PCDH9: variants seen among roughly 807,000 people sequenced by gnomAD.
The protein encoded by PCDH9 is protocadherin-9.
PCDH9 carries 24 observed loss-of-function variants against 70.6 expected under a neutral mutation model. That is an observed-to-expected ratio of 0.34 (90% confidence interval 0.25 to 0.48). The LOEUF is 0.48. Ranked by LOEUF, PCDH9 falls within the 20% of genes least tolerant of loss-of-function variation. PCDH9 has a pLI of 0.99. For missense variants in PCDH9, 1,281 were observed against 1,503.6 expected (o/e 0.85, Z 2.45); for synonymous variants, 562 against 558.5 (o/e 1.01, Z -0.09).
chr13:67,163,540 C>T (rs1172276411), intron 2 of PCDH9, among the ~76,000 whole-genome samples: 1 of 152,130 alleles, frequency 6.6e-6, no homozygotes, highest in Non-Finnish European at 1.5e-5. Flanking sequence ...TCTGTAATGT[C>T]AAATCATTTT....
At chr13:66,822,494 ATTT>A (rs57689980) in intron 3 of PCDH9, among the ~76,000 whole-genome samples, 9 of 118,142 alleles carry the variant, frequency 7.6e-5, no homozygotes, top group Admixed American at 9.8e-5. Flanking sequence ...ATGTCCTGGA[ATTT>A]TTTTTTTTTT....
chr13:66,311,579 A>T (rs1016299766), intron 4 of PCDH9, among the ~76,000 whole-genome samples: 17 of 152,232 alleles, frequency 1.1e-4, no homozygotes, highest in South Asian at 2.1e-4. Flanking sequence ...AGTTGCTATT[A>T]AAAATAAAAT....
intron 4 of PCDH9, among the ~76,000 whole-genome samples, chr13:66,415,423 C>A (rs748086858): frequency 1.3e-5 from 2 of 152,174 alleles, no homozygotes; most frequent in African/African-American, 2.4e-5. Context: ...GTGTCTATAT[C>A]ATCATAAATG....
chr13:66,528,321 C>T (rs1174648166), intron 4 of PCDH9, among the ~76,000 whole-genome samples: 2 of 152,112 alleles, frequency 1.3e-5, no homozygotes. Context: ...GGCATTCCTC[C>T]TCGGCAATAC....
intron 2 of PCDH9, among the ~76,000 whole-genome samples, chr13:67,165,777 A>G (rs373158708): frequency 6.6e-5 from 10 of 152,340 alleles, no homozygotes; most frequent in African/African-American, 2.4e-4. Flanking sequence ...TTTTAAAAAT[A>G]CAAGTTTATT....
chr13:66,332,912 A>G (rs1032194643), intron 4 of PCDH9, among the ~76,000 whole-genome samples: 1 of 151,948 alleles, frequency 6.6e-6, no homozygotes, highest in African/African-American at 2.4e-5. Context: ...GTGTTTATGA[A>G]TGTTCATTGA....
chr13:66,600,407 T>A (rs2077151544), intron 4 of PCDH9, among the ~76,000 whole-genome samples: 1 of 151,936 alleles, frequency 6.6e-6, no homozygotes, highest in Non-Finnish European at 1.5e-5. Flanking sequence ...CAAAAAATGC[T>A]ATTTTACTCT....
chr13:66,832,549 A>T (rs2080946518), intron 3 of PCDH9, among the ~76,000 whole-genome samples: 1 of 152,138 alleles, frequency 6.6e-6, no homozygotes, highest in South Asian at 2.1e-4. Context: ...ACATGCACAG[A>T]TATGCATGAA....
At chr13:66,387,180 CTG>C (rs899317442) in intron 4 of PCDH9, among the ~76,000 whole-genome samples, 3 of 152,186 alleles carry the variant, frequency 2.0e-5, no homozygotes, top group African/African-American at 7.2e-5. Context: ...CCTCTCCTGA[CTG>C]TGAGCCATTA....
At chr13:67,154,123 T>C (rs1298397320) in intron 2 of PCDH9, among the ~76,000 whole-genome samples, 1 of 152,142 alleles carries the variant, frequency 6.6e-6, no homozygotes, top group East Asian at 1.9e-4. Flanking sequence ...AGTACATGTA[T>C]ATAAGATAAT....
chr13:66,741,983 A>G (rs1317991457), intron 3 of PCDH9, among the ~76,000 whole-genome samples: 2 of 148,368 alleles, frequency 1.3e-5, no homozygotes, highest in Non-Finnish European at 3.0e-5. Flanking sequence ...ACAGAATTGG[A>G]AAAAACTACT....
intron 4 of PCDH9, among the ~76,000 whole-genome samples, chr13:66,318,631 A>G (rs1955697526): frequency 6.6e-6 from 1 of 152,224 alleles, no homozygotes; most frequent in East Asian, 1.9e-4. Flanking sequence ...AGGGAACAAA[A>G]TGGAGGCAGA....
rs185272013 is a variant in PCDH9 at position 66,331,571 on chromosome 13, G to A, written c.3341-26543C>T. On this transcript the variant is annotated intron_variant, in intron 4 of 4. Transcript: ENST00000377865. The stretch of plus-strand genomic sequence containing the variant: ...TAAGTAATATAAAATGGCCCAAAAT[G>A]TTTTATGACTTAATGAGAAAAATTA... 1.9e-3 allele frequency among the ~76,000 whole-genome samples: 282 copies of A among 152,258 alleles called. 2 individuals are homozygous for A. The highest frequency in any genetic ancestry group is 6.5e-3 in the African/African-American group (270 of 41,554).
At chr13:66,611,919 G>T (rs186051656) in intron 4 of PCDH9, among the ~76,000 whole-genome samples, 46 of 152,246 alleles carry the variant, frequency 3.0e-4, no homozygotes, top group African/African-American at 1.1e-3. Flanking sequence ...TATGTAGCTG[G>T]CAAATAGAAG....
At chr13:66,434,874 C>G (rs1318460770) in intron 4 of PCDH9, among the ~76,000 whole-genome samples, 5 of 151,826 alleles carry the variant, frequency 3.3e-5, no homozygotes, top group African/African-American at 1.2e-4. Flanking sequence ...GATGTAGAAA[C>G]TAGTTCAATA....
intron 2 of PCDH9, among the ~76,000 whole-genome samples, chr13:67,016,165 C>A (rs537208316): frequency 6.6e-6 from 1 of 152,186 alleles, no homozygotes; most frequent in South Asian, 2.1e-4. Context: ...TCATAAGTAT[C>A]ATCATGACTC....
chr13:66,447,501 G>A (rs1958117951), intron 4 of PCDH9, among the ~76,000 whole-genome samples: 1 of 151,792 alleles, frequency 6.6e-6, no homozygotes, highest in South Asian at 2.1e-4. Context: ...AAAAATTTTT[G>A]CAAATAAAAA....
intron 4 of PCDH9, among the ~76,000 whole-genome samples, chr13:66,545,745 GATA>G (rs1427070374): frequency 1.3e-5 from 2 of 151,934 alleles, no homozygotes; most frequent in East Asian, 3.9e-4. Flanking sequence ...ACTTGATAAT[GATA>G]ATAATCTACT....
chr13:66,908,715 T>C (rs546806817), intron 2 of PCDH9, among the ~76,000 whole-genome samples: 5 of 152,140 alleles, frequency 3.3e-5, no homozygotes, highest in Non-Finnish European at 7.4e-5. Flanking sequence ...CTTGAGCCTA[T>C]ACTCACAGCC....
Sources: allele counts gnomAD v4.1 joint callset (sites outside exome capture counted in the v4.1 genomes callset), GRCh38; gene constraint gnomAD v4.1.1; transcripts MANE v1.5; gene names NCBI Gene and HGNC (gene_info 2026-07-23, HGNC 2026-07-21).